The following MTCL2 variants were observed in gnomAD, a reference collection of about 807,000 sequenced individuals.
MTCL2 encodes the protein microtubule crosslinking factor 2, also known as microtubule cross-linking factor 2.
chr20:36,863,429 C>A, the MTCL2 span: 3 of 1,030,500 alleles, frequency 2.9e-6, no homozygotes, highest in Non-Finnish European at 3.6e-6. This position sits in a 1 kb window ranked among gnomAD's most constrained non-coding sequence, Gnocchi z 6.2. Context: ...CCCGGCGCGG[C>A]TCCGGCCGCT....
chr20:36,797,408 A>G, the MTCL2 span: 2 of 1,295,298 alleles, frequency 1.5e-6, no homozygotes, highest in Middle Eastern at 1.8e-4. Flanking sequence ...CCTATGAGAC[A>G]GGGTTAGCAA....
At chr20:36,800,344 T>C in the MTCL2 span, among the ~76,000 whole-genome samples, 1 of 152,236 alleles carries the variant, frequency 6.6e-6, no homozygotes, top group Non-Finnish European at 1.5e-5. Flanking sequence ...GAATTTGGTT[T>C]GATGGTGCAA....
At chr20:36,807,335 T>G in the MTCL2 span, among the ~76,000 whole-genome samples, 1 of 152,148 alleles carries the variant, frequency 6.6e-6, no homozygotes, top group African/African-American at 2.4e-5. Context: ...AAGTGGCAAC[T>G]TGAGGCATGC....
the MTCL2 span, chr20:36,793,283 C>T: frequency 2.3e-4 from 359 of 1,551,722 alleles, 1 homozygote; most frequent in Non-Finnish European, 3.0e-4. This position sits in a 1 kb window ranked among gnomAD's most constrained non-coding sequence, Gnocchi z 6.8. Flanking sequence ...ATCTCCGTCC[C>T]GGAGGACACC....
chr20:36,839,133 G>T, the MTCL2 span: 4 of 1,325,134 alleles, frequency 3.0e-6, no homozygotes, highest in Middle Eastern at 2.7e-4. This position sits in a 1 kb window ranked among gnomAD's most constrained non-coding sequence, Gnocchi z 5.1. Flanking sequence ...ATGGACACAC[G>T]GAAATGAGAT....
chr20:36,845,465 G>T, the MTCL2 span, among the ~76,000 whole-genome samples: 1 of 152,278 alleles, frequency 6.6e-6, no homozygotes, highest in African/African-American at 2.4e-5. Context: ...CTCCAGGGGG[G>T]CCTAGGCCTC....
At chr20:36,834,654 T>C in the MTCL2 span, among the ~76,000 whole-genome samples, 1 of 152,158 alleles carries the variant, frequency 6.6e-6, no homozygotes, top group Admixed American at 6.6e-5. Flanking sequence ...GTCCTACTGA[T>C]GTATTGCTCA....
chr20:36,835,839 C>A, the MTCL2 span, among the ~76,000 whole-genome samples: 2 of 152,170 alleles, frequency 1.3e-5, no homozygotes, highest in Non-Finnish European at 2.9e-5. Context: ...CACCCGCTCC[C>A]CACACCCGCC....
the MTCL2 span, chr20:36,780,145 A>T: frequency 6.6e-6 from 1 of 152,308 alleles, no homozygotes; most frequent in Non-Finnish European, 1.5e-5. Context: ...ACCTTGGGTG[A>T]GCCACTGCCT....
At chr20:36,854,913 G>A in the MTCL2 span, among the ~76,000 whole-genome samples, 3 of 152,134 alleles carry the variant, frequency 2.0e-5, no homozygotes, top group Non-Finnish European at 2.9e-5. Flanking sequence ...AGAGTGACAC[G>A]ACGCCGTGGG....
At chr20:36,829,061 G>A in the MTCL2 span, 28 of 1,548,986 alleles carry the variant, frequency 1.8e-5, no homozygotes, top group East Asian at 2.9e-4. Flanking sequence ...CACCTCTCTC[G>A]GTCGCTCCAG....
At chr20:36,857,838 G>A in the MTCL2 span, among the ~76,000 whole-genome samples, 1 of 152,170 alleles carries the variant, frequency 6.6e-6, no homozygotes, top group Non-Finnish European at 1.5e-5. Flanking sequence ...TAAGGGATCG[G>A]CAATGACTGG....
chr20:36,797,459 C>T, the MTCL2 span: 5 of 1,546,386 alleles, frequency 3.2e-6, no homozygotes, highest in East Asian at 2.4e-5. Context: ...CTTTATGGTG[C>T]AGCCAGGAGC....
At chr20:36,797,530 A>C in the MTCL2 span, 3 of 1,556,186 alleles carry the variant, frequency 1.9e-6, no homozygotes, top group African/African-American at 4.1e-5. Context: ...CTGCTTCTCC[A>C]GCTCCGAGTG....
the MTCL2 span, among the ~76,000 whole-genome samples, chr20:36,786,801 C>T: frequency 1.3e-4 from 20 of 152,230 alleles, no homozygotes; most frequent in African/African-American, 4.8e-4. Context: ...TGTTGTTCTT[C>T]TCCCATTAGA....
At chr20:36,779,667 ACAC>A in the MTCL2 span, 3 of 152,156 alleles carry the variant, frequency 2.0e-5, no homozygotes, top group Non-Finnish European at 4.4e-5. Flanking sequence ...CAGAACCAGG[ACAC>A]CACCACATTT....
the MTCL2 span, among the ~76,000 whole-genome samples, chr20:36,813,867 C>T: frequency 0.016 from 2,386 of 152,160 alleles, 62 homozygotes; most frequent in African/African-American, 0.054. Flanking sequence ...GATCAAACCT[C>T]CCGCATGCTC....
At chr20:36,849,677 G>C in the MTCL2 span, among the ~76,000 whole-genome samples, 1 of 152,094 alleles carries the variant, frequency 6.6e-6, no homozygotes, top group South Asian at 2.1e-4. Flanking sequence ...CACTTTAAGT[G>C]TTCTAAGAAA....
chr20:36,863,415 G>A, the MTCL2 span: 2 of 1,094,144 alleles, frequency 1.8e-6, no homozygotes, highest in Non-Finnish European at 2.2e-6. This position sits in a 1 kb window ranked among gnomAD's most constrained non-coding sequence, Gnocchi z 6.2. Flanking sequence ...TCCCTGGGGA[G>A]GGACCCGGCG....
Sources: allele counts gnomAD v4.1 joint callset (sites outside exome capture counted in the v4.1 genomes callset), GRCh38; gene constraint gnomAD v4.1.1; non-coding constraint Gnocchi (gnomAD v3.1); transcripts MANE v1.5; gene names NCBI Gene and HGNC (gene_info 2026-07-23, HGNC 2026-07-21).